The following KIF26A variants were observed in gnomAD, a reference collection of about 807,000 sequenced individuals.
KIF26A encodes the protein kinesin family member 26A, also known as kinesin-like protein KIF26A.
KIF26A carries 74 observed loss-of-function variants against 126.0 expected under a neutral mutation model. That is an observed-to-expected ratio of 0.59 (90% CI 0.49 to 0.71). The LOEUF is 0.71. KIF26A is among the 30% of genes least tolerant of loss of function. The probability of loss-of-function intolerance (pLI) is 0.00; values close to 1 mark genes in which losing one functional copy is unlikely to be tolerated. For synonymous variants in KIF26A, 1,445 were observed against 1,232.7 expected, an observed-to-expected ratio of 1.17 and a Z score of -3.61; for missense variants, 2,984 against 2,763.3, an observed-to-expected ratio of 1.08 and a Z score of -1.79.
Position 104,166,910 on chromosome 14 carries a change from A to C in KIF26A, c.975A>C (p.Pro325=). The part of the protein sequence containing the change: ...LASKRKKPHP[P]PPPATRGTST... Reference sequence around the variant, plus strand: ...CCAAGAGGAAGAAGCCCCACCCGCCACCGCCTCCAGCCACCCGCGGCACCT... The same window carrying C: ...CCAAGAGGAAGAAGCCCCACCCGCCCCCGCCTCCAGCCACCCGCGGCACCT... Residue 325 remains proline, a synonymous_variant, in exon 5 of 15, where the codon CCA becomes CCC. Transcript: ENST00000423312. 2 of 1,590,966 alleles carry C rather than the reference A, an allele frequency of 1.3e-6. No homozygotes were observed. Among genetic ancestry groups the C allele is most frequent in the Non-Finnish European group, 1.7e-6 (2 of 1,170,060 alleles).
rs747809339 is a variant in KIF26A at position 104,174,275 on chromosome 14, G to A, written c.2158G>A (p.Ala720Thr). 17 of 1,560,144 alleles carry A rather than the reference G, an allele frequency of 1.1e-5. No homozygotes were observed. The highest frequency in any genetic ancestry group is 5.6e-5 in the Admixed American group (3 of 53,220). The change falls in exon 11 of 15, where the codon GCC becomes ACC. Residue 720 changes from alanine (A) to threonine (T), a missense_variant. Physicochemically the swap from Ala to Thr is moderately conservative, Grantham distance 58. Transcript: ENST00000423312. ...GACACTCAGCACCGTGCAGCTCGCCGCCCGCATCCACCGCCTGCGCAGGAA... is the reference window on the plus strand; with the variant it reads ...GACACTCAGCACCGTGCAGCTCGCCACCCGCATCCACCGCCTGCGCAGGAA... ...AETLSTVQLA[A>T]RIHRLRRKKA...
chr14:104,176,537 G>C lies in KIF26A; in HGVS notation c.3749G>C (p.Cys1250Ser), dbSNP rs1261818554. 3 of 1,604,994 alleles carry C rather than the reference G, an allele frequency of 1.9e-6. No homozygotes were observed. Among genetic ancestry groups the C allele is most frequent in the Non-Finnish European group, 2.5e-6 (3 of 1,179,686 alleles). The change falls in exon 12 of 15, where the codon TGT becomes TCT. Residue 1250 changes from cysteine to serine, a missense_variant. Coordinates refer to ENST00000423312, the MANE Select transcript of KIF26A (RefSeq NM_015656.2). ...EDPWLLRVGE[C>S]DTQAASAGRA... is the part of the protein sequence containing the mutation. The stretch of plus-strand genomic sequence containing the variant: ...CCATGGCTGCTCCGGGTAGGGGAGT[G>C]TGATACCCAGGCAGCTTCTGCTGGC...
At position 104,179,822 on chromosome 14, in the gene KIF26A, C is replaced by T. The variant is rs1360987664; in HGVS notation, c.*32C>T. The stretch of plus-strand genomic sequence containing the variant: ...GCGCCGGACAAGAGGAGGGGGCGTG[C>T]AGCGGGCTGGAGGACGGGACGTGGG... On this transcript the variant is annotated 3_prime_UTR_variant, in exon 15 of 15. Transcript: ENST00000423312. The T allele has an allele frequency of 5.4e-6, 8 of 1,491,036 alleles. No homozygotes were observed. Among genetic ancestry groups the T allele is most frequent in the Middle Eastern group, 2.0e-4 (1 of 4,958 alleles). The allele number at this position is 1,491,036 out of a possible 1,614,324, so 92.4% of individuals were successfully genotyped here.
At chr14:104,156,989 AG>A (rs1486398501) in intron 3 of KIF26A, among the ~76,000 whole-genome samples, 1 of 151,980 alleles carries the variant, frequency 6.6e-6, no homozygotes, top group Admixed American at 6.5e-5. Flanking sequence ...CCCTTGGGGA[AG>A]GGGCCGGGGC....
In KIF26A at chr14:104,177,165, C is replaced by T. The variant is rs1410844549; in HGVS notation, c.4377C>T (p.Pro1459=). The T allele has an allele frequency of 1.3e-6, 2 of 1,597,238 alleles. No homozygotes were observed. The highest frequency in any genetic ancestry group is 1.1e-5 in the South Asian group (1 of 90,900). ...GCCGGGAAGCCCCTGGGCGGCCTCC[C>T]CGGGCTGTACCCAAGCTGGGTGTGC... ...SKGREAPGRP[P]RAVPKLGVPP... is the part of the protein sequence containing the mutation. Residue 1459 remains proline (P), a synonymous_variant, in exon 12 of 15, where the codon CCC becomes CCT. Transcript: ENST00000423312.
Position 104,157,877 on chromosome 14 carries a change from C to G in KIF26A, c.858C>G (p.Val286=). The G allele has an allele frequency of 6.3e-7, 1 of 1,587,346 alleles. No individual in the cohort carries two copies. The highest frequency in any genetic ancestry group is 1.1e-5 in the South Asian group (1 of 89,414). Residue 286 remains valine, a synonymous_variant, in exon 4 of 15, where the codon GTC becomes GTG. Transcript: ENST00000423312. ...GTGGAGTCTGCACGTCAGCCCTGGT[C>G]ACCCCCACCCCGGGCTCGGTGGGGG... ...GRGGVCTSAL[V]TPTPGSVGGS... is the part of the protein sequence containing the mutation.
intron 5 of KIF26A, among the ~76,000 whole-genome samples, chr14:104,170,749 G>T (rs1323375015): frequency 2.0e-5 from 3 of 152,252 alleles, no homozygotes. Flanking sequence ...ACCTGTGTGG[G>T]GTGTCCCTGC....
chr14:104,139,293 G>A lies in KIF26A; in HGVS notation c.288+5G>A. The A allele has an allele frequency of 6.7e-7, 1 of 1,497,546 alleles. No individual in the cohort carries two copies. The highest frequency in any genetic ancestry group is 1.3e-5 in the South Asian group (1 of 76,110). The allele number at this position is 1,497,546 out of a possible 1,614,324, so 92.8% of individuals were successfully genotyped here. A position where few individuals can be genotyped will look rare whatever the true frequency, so the allele number is the denominator to read the frequency against. On this transcript the variant is annotated splice_donor_5th_base_variant and intron_variant, in intron 2 of 14. Transcript: ENST00000423312. ...GGGCCCGGGACCACCCTCCGGGTAA[G>A]TGACACTTCCTTAGGCCGACCCCTC...
intron 11 of KIF26A, among the ~76,000 whole-genome samples, chr14:104,174,654 G>A (rs2037996694): frequency 6.6e-6 from 1 of 152,186 alleles, no homozygotes; most frequent in South Asian, 2.1e-4. Flanking sequence ...GGGGCTGGAG[G>A]GTGGAGTTTG....
Position 104,177,624 on chromosome 14 carries a change from C to G in KIF26A, c.4836C>G (p.Pro1612=). The change falls in exon 12 of 15, where the codon CCC becomes CCG. Residue 1612 remains proline (P), a synonymous_variant. Coordinates refer to ENST00000423312, the MANE Select transcript of KIF26A (RefSeq NM_015656.2). ...CCACGGGCCCGGCCCTGCCCTCCCC[C>G]TACAGCAAGGTGACCGCCCCACGGC... is the stretch of plus-strand genomic sequence containing the variant. The part of the protein sequence containing the change: ...RPPTGPALPS[P]YSKVTAPRRP... 2 of 1,527,312 alleles carry G rather than the reference C, an allele frequency of 1.3e-6. No homozygotes were observed. Among genetic ancestry groups the G allele is most frequent in the Non-Finnish European group, 1.8e-6 (2 of 1,141,746 alleles). 94.6% of individuals were successfully genotyped at this position (1,527,312 alleles called of 1,614,324 possible).
chr14:104,150,967 C>G (rs959691145), intron 2 of KIF26A, among the ~76,000 whole-genome samples: 5 of 152,158 alleles, frequency 3.3e-5, no homozygotes. Flanking sequence ...GCCTGGCCCC[C>G]TCCCCAGAGA....
intron 4 of KIF26A, among the ~76,000 whole-genome samples, chr14:104,162,203 A>G (rs55732549): frequency 0.51 from 77,636 of 152,182 alleles, 20,298 homozygotes; most frequent in African/African-American, 0.63. Context: ...AGGGCCCAGC[A>G]GGCTGGGGTG....
intron 2 of KIF26A, among the ~76,000 whole-genome samples, chr14:104,146,647 C>T (rs2037682851): frequency 6.6e-6 from 1 of 152,144 alleles, no homozygotes; most frequent in South Asian, 2.1e-4. Flanking sequence ...ACTGTGTTTC[C>T]ATAAGCAAAC....
chr14:104,167,114 G>T, intron 5 of KIF26A, 66 bp downstream of exon 5: 2 of 1,411,960 alleles, frequency 1.4e-6, no homozygotes, highest in South Asian at 3.1e-5. Context: ...AGACGCAGGA[G>T]GGGTGAGGGA....
chr14:104,155,678 T>C (rs1250756526), intron 3 of KIF26A, among the ~76,000 whole-genome samples: 1 of 152,162 alleles, frequency 6.6e-6, no homozygotes, highest in African/African-American at 2.4e-5. Flanking sequence ...TCCCGGCGGA[T>C]GGGGCGGTGT....
At chr14:104,149,303 C>T (rs2037706447) in intron 2 of KIF26A, among the ~76,000 whole-genome samples, 1 of 152,122 alleles carries the variant, frequency 6.6e-6, no homozygotes, top group Non-Finnish European at 1.5e-5. Flanking sequence ...GGCCTCGTGG[C>T]CCGTCCTGGG....
chr14:104,157,695 C>T, intron 3 of KIF26A, 60 bp from the exon 4 acceptor site: 1 of 1,532,102 alleles, frequency 6.5e-7, no homozygotes, highest in South Asian at 1.2e-5. Context: ...CTCCGGGTGC[C>T]AGGGGGCAGT....
chr14:104,157,935 T>C lies in KIF26A; in HGVS notation c.916T>C (p.Phe306Leu), dbSNP rs760804229. 1.3e-6 allele frequency: 2 copies of C among 1,511,578 alleles called. No individual in the cohort carries two copies. The highest frequency in any genetic ancestry group is 2.8e-5 in the African/African-American group (2 of 70,606). 93.6% of individuals were successfully genotyped at this position (1,511,578 alleles called of 1,614,324 possible). ...AGGCCCCTCAGCTGCAGCCTCCTTC[T>C]TCATAAGGTATGTCCTGGGGCTTCC... ...STGPSAAASF[F>L]IRAMQKLSLA... Residue 306 changes from phenylalanine to leucine, a missense_variant, in exon 4 of 15, where the codon TTC becomes CTC. Transcript: ENST00000423312.
rs551646733 is a variant in KIF26A at position 104,150,481 on chromosome 14, C to T, written c.289-1534C>T. Among the ~76,000 whole-genome samples the T allele has an allele frequency of 4.3e-4, 66 of 151,986 alleles. No homozygotes were observed. The South Asian group carries it at 0.013, about 29-fold the overall frequency. ...GGTGGTCCTGGGGGAACATGATTGCCGCACATGCTTGGCTGGCACCGGCCA... is the reference window on the plus strand; with the variant it reads ...GGTGGTCCTGGGGGAACATGATTGCTGCACATGCTTGGCTGGCACCGGCCA... On this transcript the variant is annotated intron_variant, in intron 2 of 14. Coordinates refer to ENST00000423312, the MANE Select transcript of KIF26A (RefSeq NM_015656.2).
Sources: gnomAD v4.1 joint callset for allele counts (sites outside exome capture counted in the v4.1 genomes callset) on GRCh38, gnomAD v4.1.1 for gene constraint, MANE v1.5 for transcripts, NCBI Gene and HGNC (gene_info 2026-07-23, HGNC 2026-07-21) for gene names.